Variants in PCDHA5 observed in about 807,000 individuals in gnomAD.
PCDHA5 encodes protocadherin alpha 5, also known as protocadherin alpha-5.
Under a neutral mutation model 61.6 loss-of-function variants are expected in PCDHA5, and 43 were observed. That is an observed-to-expected ratio of 0.70 (90% CI 0.55 to 0.90). The LOEUF (loss-of-function observed/expected upper bound fraction) is 0.90. PCDHA5 is among the 40% of genes least tolerant of loss of function. PCDHA5 has a pLI of 0.00. For missense variants in PCDHA5, 1,298 were observed against 1,222.7 expected, an observed-to-expected ratio of 1.06 and a Z score of -0.92; for synonymous variants, 627 against 543.9, an observed-to-expected ratio of 1.15 and a Z score of -2.13.
intron 1 of PCDHA5, chr5:140,842,773 G>A: frequency 6.3e-7 from 1 of 1,594,638 alleles, no homozygotes; most frequent in Non-Finnish European, 8.6e-7. Context: ...ACGCGGACGC[G>A]CAGGAGAACG....
chr5:140,856,441 G>T, intron 1 of PCDHA5: 1 of 1,598,410 alleles, frequency 6.3e-7, no homozygotes, highest in East Asian at 2.2e-5. Flanking sequence ...ACCCGCCCAG[G>T]TTCTCCGTAA....
intron 1 of PCDHA5, among the ~76,000 whole-genome samples, chr5:140,826,477 T>G (rs2150143939): frequency 6.6e-6 from 1 of 152,310 alleles, no homozygotes; most frequent in Non-Finnish European, 1.5e-5. Flanking sequence ...GGCATTTTAC[T>G]GTATATCAGA....
intron 1 of PCDHA5, chr5:140,969,617 A>G (rs2096348108): frequency 4.3e-6 from 3 of 705,552 alleles, no homozygotes; most frequent in Non-Finnish European, 6.8e-6. Context: ...ACAGATTTGT[A>G]GAGAAACAGG....
chr5:140,828,906 G>A (rs2150160526), intron 1 of PCDHA5: 13 of 1,614,242 alleles, frequency 8.1e-6, no homozygotes, highest in Non-Finnish European at 9.3e-6. Flanking sequence ...CGGGATGAAG[G>A]AGCGAATGGG....
intron 3 of PCDHA5, among the ~76,000 whole-genome samples, chr5:140,991,953 G>A (rs545142966): frequency 3.9e-5 from 6 of 152,110 alleles, no homozygotes; most frequent in Non-Finnish European, 8.8e-5. Context: ...TTAGAATGCA[G>A]TCATTTTGGT....
In PCDHA5 at chr5:140,834,484, C is replaced by T. The variant is rs2150219400; in HGVS notation, c.2352+10357C>T. 6.2e-6 allele frequency: 10 copies of T among 1,614,154 alleles called. No homozygotes were observed. The Admixed American group carries it at 8.3e-5, about 13-fold the overall frequency. On this transcript the variant is annotated intron_variant, in intron 1 of 3. Transcript: ENST00000529859. Reference sequence around the variant, plus strand: ...GCAGGGAGAGGCCAGCTCCACTACTCGGTCCCCGAGGAGGCTAAACATGGC... The same window carrying T: ...GCAGGGAGAGGCCAGCTCCACTACTTGGTCCCCGAGGAGGCTAAACATGGC...
intron 1 of PCDHA5, 170 bp downstream of exon 1, chr5:140,824,297 C>A: frequency 1.1e-6 from 1 of 881,762 alleles, no homozygotes; most frequent in Non-Finnish European, 1.8e-6. Context: ...GGCTTTTCTG[C>A]TGGGGTAATA....
At chr5:140,986,946 G>A (rs544796668) in intron 3 of PCDHA5, among the ~76,000 whole-genome samples, 9 of 152,230 alleles carry the variant, frequency 5.9e-5, no homozygotes, top group South Asian at 2.1e-4. Context: ...GGGTGTGGTC[G>A]CTCATGCCTG....
intron 1 of PCDHA5, among the ~76,000 whole-genome samples, chr5:140,962,126 C>T (rs1429316991): frequency 6.6e-6 from 1 of 152,094 alleles, no homozygotes; most frequent in African/African-American, 2.4e-5. Flanking sequence ...ACCTTGGCCT[C>T]GGCCTCCCAA....
At chr5:140,997,116 C>A (rs1554255739) in intron 3 of PCDHA5, among the ~76,000 whole-genome samples, 1 of 152,054 alleles carries the variant, frequency 6.6e-6, no homozygotes, top group Non-Finnish European at 1.5e-5. Context: ...CCTGCTCTCC[C>A]ACATACACAA....
intron 1 of PCDHA5, chr5:140,884,047 G>A: frequency 1.9e-6 from 3 of 1,613,390 alleles, no homozygotes; most frequent in East Asian, 2.2e-5. Flanking sequence ...TGGTGGCGAA[G>A]GTGCGCGCGG....
chr5:140,883,126 G>A (rs781992873), intron 1 of PCDHA5: 2 of 1,614,036 alleles, frequency 1.2e-6, no homozygotes, highest in South Asian at 1.1e-5. Context: ...GGCCTGTATG[G>A]CCTGCAGTGG....
chr5:140,827,864 T>TG (rs1362091793), intron 1 of PCDHA5: 5 of 608,420 alleles, frequency 8.2e-6, no homozygotes, highest in Non-Finnish European at 1.4e-5. Flanking sequence ...ATATATGGTA[T>TG]AGCACTGTTA....
intron 1 of PCDHA5, chr5:140,882,543 G>A: frequency 6.2e-7 from 1 of 1,614,236 alleles, no homozygotes; most frequent in Non-Finnish European, 8.5e-7. Context: ...CGGATCGACC[G>A]CGAGGAGCTG....
intron 1 of PCDHA5, chr5:140,843,383 G>A (rs1778840554): frequency 6.3e-7 from 1 of 1,596,120 alleles, no homozygotes; most frequent in South Asian, 1.1e-5. Context: ...TGGCGTTTTG[G>A]GTCCGGAAGC....
At chr5:141,007,329 TTGCCTGAGCTCAG>T (rs1554261175) in intron 3 of PCDHA5, among the ~76,000 whole-genome samples, 2 of 149,734 alleles carry the variant, frequency 1.3e-5, no homozygotes. Context: ...AGTGGACAGA[TTGCCTGAGCTCAG>T]GAGTTCGAGA....
intron 1 of PCDHA5, chr5:140,966,674 G>A: frequency 7.7e-7 from 1 of 1,295,168 alleles, no homozygotes; most frequent in Non-Finnish European, 1.0e-6. Flanking sequence ...GGCGCAGGGT[G>A]GCACGAGCGG....
intron 1 of PCDHA5, among the ~76,000 whole-genome samples, chr5:140,838,461 T>C (rs2150289673): frequency 4.0e-5 from 6 of 151,692 alleles, no homozygotes; most frequent in Non-Finnish European, 7.4e-5. Context: ...ATTATTTCAT[T>C]AGCGCTTATT....
At chr5:140,841,117 A>G (rs2150311332) in intron 1 of PCDHA5, 7 of 622,834 alleles carry the variant, frequency 1.1e-5, no homozygotes, top group South Asian at 9.0e-5. Flanking sequence ...TAATTCATGT[A>G]ATCATTACCT....
Sources: allele counts gnomAD v4.1 joint callset (sites outside exome capture counted in the v4.1 genomes callset), GRCh38; gene constraint gnomAD v4.1.1; transcripts MANE v1.5; gene names NCBI Gene and HGNC (gene_info 2026-07-23, HGNC 2026-07-21).